The following ZFAT variants were observed in gnomAD, a reference collection of about 807,000 sequenced individuals.
ZFAT encodes the protein zinc finger and AT-hook domain containing.
ZFAT carries 64 observed loss-of-function variants against 117.7 expected under a neutral mutation model. The observed-to-expected ratio is 0.54, with a 90% CI of 0.44 to 0.67. The LOEUF (loss-of-function observed/expected upper bound fraction) is 0.67. Among genes scored for constraint, ZFAT ranks in the 30% least tolerant of loss-of-function variants. The pLI is 0.00. For missense variants in ZFAT, 1,433 were observed against 1,584.5 expected, an observed-to-expected ratio of 0.90 and a Z score of 1.62; for synonymous variants, 679 against 615.0, an observed-to-expected ratio of 1.10 and a Z score of -1.54.
chr8:134,482,338 G>A (rs1817372776), intron 15 of ZFAT, among the ~76,000 whole-genome samples: 1 of 152,230 alleles, frequency 6.6e-6, no homozygotes, highest in Admixed American at 6.5e-5. Flanking sequence ...TGGGGCAGAA[G>A]CAGCAGATGA....
chr8:134,502,176 C>T (rs76091740), intron 15 of ZFAT, among the ~76,000 whole-genome samples: 33,340 of 152,174 alleles, frequency 0.22, 4,237 homozygotes, highest in East Asian at 0.4. Flanking sequence ...ATCTGCCCCC[C>T]GATGGGAGGA....
the ZFAT span, chr8:134,784,419 G>A: frequency 6.6e-6 from 1 of 152,058 alleles, no homozygotes; most frequent in Non-Finnish European, 1.5e-5. Flanking sequence ...TAAAATATGC[G>A]ATTCTCTTTA....
At chr8:134,567,725 C>G (rs1824577828) in intron 10 of ZFAT, among the ~76,000 whole-genome samples, 1 of 144,116 alleles carries the variant, frequency 6.9e-6, no homozygotes, top group Non-Finnish European at 1.5e-5. Flanking sequence ...CTTGTGCCTG[C>G]CCCTTCTGTA....
At chr8:134,768,611 C>G in the ZFAT span, among the ~76,000 whole-genome samples, 28 of 152,174 alleles carry the variant, frequency 1.8e-4, no homozygotes, top group Non-Finnish European at 4.0e-4. Context: ...CAGGGAAACT[C>G]CCTTTTTAAA....
chr8:134,542,315 A>G (rs1822314874), intron 11 of ZFAT, among the ~76,000 whole-genome samples: 1 of 152,114 alleles, frequency 6.6e-6, no homozygotes, highest in South Asian at 2.1e-4. Context: ...TCCAACTTTT[A>G]TTTTAGGCTC....
Position 134,602,161 on chromosome 8 carries a change from C to A in ZFAT, c.1558G>T (p.Glu520Ter). 1 of 1,613,450 alleles carries A rather than the reference C, an allele frequency of 6.2e-7. No individual in the cohort carries two copies. The highest frequency in any genetic ancestry group is 1.7e-5 in the Admixed American group (1 of 60,006). The change falls in exon 6 of 16, where the codon GAA (glutamate) becomes TAA (stop). Residue 520 changes from glutamate to a stop codon, truncating the protein, a stop_gained. Transcript: ENST00000377838. LOFTEE classifies it high-confidence loss of function. Reference sequence around the variant, plus strand: ...ACGCCCTGGAGGGCAAACTCCTCTTCCACCAGCTGTAGCTGGTCCCCCAGA... The same window carrying A: ...ACGCCCTGGAGGGCAAACTCCTCTTACACCAGCTGTAGCTGGTCCCCCAGA... ...EALGDQLQLVEEEFALQGVNA... is the reference protein window; with the variant it reads ...EALGDQLQLV
rs55811622 is a variant in ZFAT at position 134,564,192 on chromosome 8, CAAAAAAAAAAAAA to C, written c.2976+1128_2976+1140del. 1.0e-4 allele frequency among the ~76,000 whole-genome samples: 6 copies of C among 57,482 alleles called. 1 individual carries two copies. The highest frequency in any genetic ancestry group is 2.0e-4 in the Non-Finnish European group (6 of 30,748). 37.7% of individuals were successfully genotyped at this position (57,482 alleles called of 152,430 possible). A position where few individuals can be genotyped will look rare whatever the true frequency, so the allele number is the denominator to read the frequency against. ...AAAAAAGAGGAGTGAGACTCCTTCT[CAAAAAAAAAAAAA>C]AAAAAAAAAAGAGTATCTAGATTGT... On this transcript the variant is annotated intron_variant, in intron 11 of 15. Transcript: ENST00000377838.
intron 10 of ZFAT, among the ~76,000 whole-genome samples, chr8:134,575,566 T>C (rs1361236982): frequency 6.6e-6 from 1 of 152,152 alleles, no homozygotes; most frequent in Non-Finnish European, 1.5e-5. Context: ...TGTGTTGATC[T>C]AGGTCGCTAA....
At chr8:134,614,583 G>T (rs1828586850) in intron 3 of ZFAT, among the ~76,000 whole-genome samples, 1 of 152,120 alleles carries the variant, frequency 6.6e-6, no homozygotes, top group African/African-American at 2.4e-5. Flanking sequence ...TTGGAGGTTG[G>T]GTCCATGACT....
chr8:134,573,920 G>T (rs184168148), intron 10 of ZFAT, among the ~76,000 whole-genome samples: 58 of 152,390 alleles, frequency 3.8e-4, no homozygotes, highest in African/African-American at 1.4e-3. Context: ...TCTGGAGTCA[G>T]AGAATCTGAG....
intron 15 of ZFAT, among the ~76,000 whole-genome samples, chr8:134,479,462 A>G (rs1442115688): frequency 6.6e-6 from 1 of 152,256 alleles, no homozygotes. Context: ...GCTGGTGCTA[A>G]TATCCCACAT....
chr8:134,681,747 TTC>T (rs1461561661), intron 1 of ZFAT, among the ~76,000 whole-genome samples: 1 of 152,182 alleles, frequency 6.6e-6, no homozygotes, highest in Non-Finnish European at 1.5e-5. Flanking sequence ...GGCAAATTCT[TTC>T]TGAGTTATAC....
chr8:134,497,483 A>C (rs1193494593), intron 15 of ZFAT, among the ~76,000 whole-genome samples: 53 of 127,232 alleles, frequency 4.2e-4, no homozygotes, highest in African/African-American at 1.2e-3. Context: ...ACAGAGCCTG[A>C]TTTGGTAGGG....
Position 134,610,607 on chromosome 8 carries a change from C to T in ZFAT, c.497G>A (p.Arg166Gln), listed in dbSNP as rs1207306952. 6 of 1,614,018 alleles carry T rather than the reference C, an allele frequency of 3.7e-6. No individual in the cohort carries two copies. The highest frequency in any genetic ancestry group is 3.3e-5 in the South Asian group (3 of 91,086). ...CCGTGGTCTTTTCGAGGCTTTTTCC[C>T]GATCATCTTCCTTACACTTCTTTTC... ...ELEKKCKEDD[R>Q]EKASKRPRSQ... The change falls in exon 4 of 16, where the codon CGG becomes CAG. Residue 166 changes from arginine (R) to glutamine (Q), a missense_variant. This residue lies in a region of ZFAT where 436 missense variants were observed against 482.0 expected (regional missense o/e 0.90). Coordinates refer to ENST00000377838, the MANE Select transcript of ZFAT (RefSeq NM_020863.4).
chr8:134,742,160 TTTC>T, the ZFAT span, among the ~76,000 whole-genome samples: 1 of 64,124 alleles, frequency 1.6e-5, no homozygotes, highest in African/African-American at 6.9e-5. Flanking sequence ...TGTCAGATCA[TTTC>T]TTTTTTTTTT....
chr8:134,692,841 A>T (rs1833648084), intron 1 of ZFAT, among the ~76,000 whole-genome samples: 1 of 152,236 alleles, frequency 6.6e-6, no homozygotes, highest in African/African-American at 2.4e-5. Context: ...CCTGATTCTG[A>T]AACTATTTTT....
Position 134,556,938 on chromosome 8 carries a change from T to A in ZFAT, c.2976+8395A>T, listed in dbSNP as rs902445289. On this transcript the variant is annotated intron_variant, in intron 11 of 15. Transcript: ENST00000377838. The stretch of plus-strand genomic sequence containing the variant: ...TTAATATTTTAATTAAATGCTTTTT[T>A]AATTTTAAATATTTTTAAAATTTTA... Among the ~76,000 whole-genome samples, 29 of 152,096 alleles carry A rather than the reference T, an allele frequency of 1.9e-4. 1 individual carries two copies. Among genetic ancestry groups the A allele is most frequent in the Middle Eastern group, 3.4e-3 (1 of 294 alleles).
the ZFAT span, among the ~76,000 whole-genome samples, chr8:134,789,971 C>G: frequency 6.6e-6 from 1 of 152,166 alleles, no homozygotes; most frequent in Non-Finnish European, 1.5e-5. Flanking sequence ...GGAAGATGAA[C>G]TAGTGTTCTA....
chr8:134,692,721 A>G (rs1446473895), intron 1 of ZFAT, among the ~76,000 whole-genome samples: 1 of 152,246 alleles, frequency 6.6e-6, no homozygotes, highest in Non-Finnish European at 1.5e-5. Flanking sequence ...CAACCCAAGT[A>G]ACTTTGGAAG....
Sources: allele counts gnomAD v4.1 joint callset (sites outside exome capture counted in the v4.1 genomes callset), GRCh38; gene constraint gnomAD v4.1.1; regional missense constraint gnomAD v4.1.1; transcripts MANE v1.5; gene names NCBI Gene and HGNC (gene_info 2026-07-23, HGNC 2026-07-21).